MADCAM1: variants seen among roughly 807,000 people sequenced by gnomAD.
MADCAM1 encodes mucosal addressin cell adhesion molecule 1.
Under a neutral mutation model 26.1 loss-of-function variants are expected in MADCAM1, and 19 were observed. The ratio of observed to expected loss-of-function variants is 0.73; its 90% CI spans 0.51 to 1.07. The LOEUF is 1.07. MADCAM1 is among the 50% of genes least tolerant of loss of function. MADCAM1 has a pLI of 0.00. For missense variants in MADCAM1, 514 were observed against 542.1 expected, an observed-to-expected ratio of 0.95 and a Z score of 0.51; for synonymous variants, 268 against 260.9, an observed-to-expected ratio of 1.03 and a Z score of -0.26.
intron 4 of MADCAM1, among the ~76,000 whole-genome samples, chr19:504,130 T>C (rs1289675291): frequency 6.6e-6 from 1 of 151,608 alleles, no homozygotes; most frequent in Non-Finnish European, 1.5e-5. Context: ...CAACAGGTAA[T>C]CAATATAAAA....
At chr19:499,521 T>A (rs2145819021) in intron 3 of MADCAM1, among the ~76,000 whole-genome samples, 1 of 152,106 alleles carries the variant, frequency 6.6e-6, no homozygotes, top group East Asian at 1.9e-4. Flanking sequence ...CACACGCGTG[T>A]ACAAACACAG....
In MADCAM1 at chr19:497,830, C is replaced by T. The variant is rs1978292682; in HGVS notation, c.53-3C>T. On this transcript the variant is annotated splice_polypyrimidine_tract_variant and splice_region_variant and intron_variant, in intron 1 of 4. Coordinates refer to ENST00000215637, the MANE Select transcript of MADCAM1 (RefSeq NM_130760.3). ...GGCTGAGCGAGAGCCGCGGTCGCCG[C>T]AGGCCAGTCCCTCCAGGTGAAGCCC... 6 of 1,291,694 alleles carry T rather than the reference C, an allele frequency of 4.6e-6. No individual in the cohort carries two copies. The highest frequency in any genetic ancestry group is 5.9e-6 in the Non-Finnish European group (6 of 1,023,338). The allele number at this position is 1,291,694 out of a possible 1,614,324, so 80.0% of individuals were successfully genotyped here.
Position 504,755 on chromosome 19 carries a change from T to C in MADCAM1, c.939T>C (p.Pro313=), listed in dbSNP as rs780204137. Residue 313 remains proline, a synonymous_variant, in exon 5 of 5, where the codon CCT becomes CCC. Coordinates refer to ENST00000215637, the MANE Select transcript of MADCAM1 (RefSeq NM_130760.3). ...GCACTCTCTCCCCAGCGTCCAAACC[T>C]GCGGGTGACCAGCTGCCCGCGGCTC... The part of the protein sequence containing the change: ...GEVIPTGSSK[P]AGDQLPAALW... The C allele has an allele frequency of 8.7e-6, 14 of 1,604,512 alleles. No individual in the cohort carries two copies. The highest frequency in any genetic ancestry group is 1.7e-4 in the Middle Eastern group (1 of 5,968).
Position 501,939 on chromosome 19 carries a change from G to A in MADCAM1, c.928+10G>A. 5.4e-6 allele frequency: 8 copies of A among 1,493,138 alleles called. No individual in the cohort carries two copies. Among genetic ancestry groups the A allele is most frequent in the Admixed American group, 2.3e-5 (1 of 42,794 alleles). 92.5% of individuals were successfully genotyped at this position (1,493,138 alleles called of 1,614,324 possible). A position where few individuals can be genotyped will look rare whatever the true frequency, so the allele number is the denominator to read the frequency against. On this transcript the variant is annotated intron_variant, in intron 4 of 4. Coordinates refer to ENST00000215637, the MANE Select transcript of MADCAM1 (RefSeq NM_130760.3). ...GTGATCCCAACAGGCTGTGAGTTCT[G>A]GTCCCTGGGGGCAGGGAGGGTGGGA...
rs976718898 is a variant in MADCAM1, at chr19:498,291, G to A, written c.337+174G>A. On this transcript the variant is annotated intron_variant, in intron 2 of 4. Transcript: ENST00000215637. ...CCTCCAACTCACCCCAACTCTCCCA[G>A]GGCCGGCCCTGGCCCATCCTCCTGT... Among the ~76,000 whole-genome samples, 7 of 152,072 alleles carry A rather than the reference G, an allele frequency of 4.6e-5. No homozygotes were observed. The East Asian group carries it at 7.7e-4, about 17-fold the overall frequency.
chr19:503,797 C>G (rs1978478766), intron 4 of MADCAM1, among the ~76,000 whole-genome samples: 1 of 151,938 alleles, frequency 6.6e-6, no homozygotes, highest in African/African-American at 2.4e-5. Context: ...GCCTATAATC[C>G]TAGCACTTTG....
intron 3 of MADCAM1, among the ~76,000 whole-genome samples, chr19:501,169 A>T (rs999765464): frequency 2.0e-5 from 3 of 151,466 alleles, no homozygotes; most frequent in African/African-American, 7.3e-5. Flanking sequence ...AGCCTGCACG[A>T]CAGAGTGAGA....
At position 505,338 on chromosome 19, in the gene MADCAM1, A is replaced by C; in HGVS notation, c.*373A>C. On this transcript the variant is annotated 3_prime_UTR_variant, in exon 5 of 5. Coordinates refer to ENST00000215637, the MANE Select transcript of MADCAM1 (RefSeq NM_130760.3). The stretch of plus-strand genomic sequence containing the variant: ...GGCTTTGGCAAATAAACCTCCTAAA[A>C]TGATACAAACGTGTCAGTTTTCTCA... 8.0e-5 allele frequency: 15 copies of C among 187,648 alleles called. No individual in the cohort carries two copies. The highest frequency in any genetic ancestry group is 4.0e-4 in the East Asian group (3 of 7,570). 11.6% of individuals were successfully genotyped at this position (187,648 alleles called of 1,614,324 possible). A position where few individuals can be genotyped will look rare whatever the true frequency, so the allele number is the denominator to read the frequency against.
At chr19:501,454 C>A (rs1978325257) in intron 3 of MADCAM1, 2 of 406,616 alleles carry the variant, frequency 4.9e-6, no homozygotes, top group African/African-American at 2.5e-5. Flanking sequence ...CACTGCACTC[C>A]AGCCTGGGTA....
chr19:504,692 G>T, intron 4 of MADCAM1, 53 bp from the exon 5 acceptor site: 1 of 1,343,830 alleles, frequency 7.4e-7, no homozygotes, highest in Admixed American at 2.0e-5. Context: ...CCCTTCCCAA[G>T]CCTGCAGAGG....
At chr19:497,555 G>T (rs1388018151) in intron 1 of MADCAM1, among the ~76,000 whole-genome samples, 5 of 151,596 alleles carry the variant, frequency 3.3e-5, no homozygotes, top group Admixed American at 3.3e-4. Context: ...GCTGAGAGGG[G>T]AAGTTGCGGG....
At chr19:504,213 A>G (rs553468802) in intron 4 of MADCAM1, among the ~76,000 whole-genome samples, 19 of 151,076 alleles carry the variant, frequency 1.3e-4, no homozygotes, top group Non-Finnish European at 2.5e-4. Flanking sequence ...TTGTAGGCTC[A>G]GCACCCTTCA....
chr19:500,053 G>A (rs778717426), intron 3 of MADCAM1: 6 of 455,058 alleles, frequency 1.3e-5, no homozygotes, highest in East Asian at 7.0e-5. Context: ...TACAGAACAC[G>A]GGCCCTCACG....
At chr19:501,639 AG>A (rs141205890) in intron 3 of MADCAM1, 29 bp from the exon 4 acceptor site, 83,215 of 1,550,864 alleles carry the variant, frequency 0.054, 7,308 homozygotes, top group African/African-American at 0.32. Flanking sequence ...GGCAGCAGAG[AG>A]GAAAAAAAAA....
chr19:500,420 G>A (rs112902213), intron 3 of MADCAM1, among the ~76,000 whole-genome samples: 4,158 of 152,300 alleles, frequency 0.027, 178 homozygotes, highest in African/African-American at 0.093. Flanking sequence ...CAGGGACCAT[G>A]TGGATTTCAA....
intron 4 of MADCAM1, among the ~76,000 whole-genome samples, chr19:503,203 C>T (rs1174443886): frequency 6.6e-6 from 1 of 152,102 alleles, no homozygotes; most frequent in East Asian, 1.9e-4. Flanking sequence ...AAAGGCAAGG[C>T]ATGAACCCGG....
chr19:499,274 A>T (rs1282437266), intron 3 of MADCAM1: 1 of 461,144 alleles, frequency 2.2e-6, no homozygotes, highest in Non-Finnish European at 4.3e-6. Flanking sequence ...CTTCTTCCGG[A>T]TCTTTCCACG....
At chr19:496,638 T>TCAGGAGAGAGGAGAGGGCC in intron 1 of MADCAM1, 87 bp downstream of exon 1, 1 of 379,510 alleles carries the variant, frequency 2.6e-6, no homozygotes, top group Non-Finnish European at 3.1e-6. Context: ...GGGAGGGGGC[T>TCAGGAGAGAGGAGAGGGCC]CAGGAGAGAG....
chr19:503,798 T>C (rs1191883218), intron 4 of MADCAM1, among the ~76,000 whole-genome samples: 2 of 150,520 alleles, frequency 1.3e-5, no homozygotes, highest in Non-Finnish European at 3.0e-5. Context: ...CCTATAATCC[T>C]AGCACTTTGG....
Sources: allele counts gnomAD v4.1 joint callset (sites outside exome capture counted in the v4.1 genomes callset), GRCh38; gene constraint gnomAD v4.1.1; transcripts MANE v1.5; gene names NCBI Gene and HGNC (gene_info 2026-07-23, HGNC 2026-07-21).